SLC9B1: variants seen among roughly 807,000 people sequenced by gnomAD.
SLC9B1 encodes the protein sodium/hydrogen exchanger 9B1.
A neutral mutation model predicts 51.7 loss-of-function variants in SLC9B1; 32 were observed. The observed-to-expected ratio is 0.62, with a 90% CI of 0.47 to 0.83. The LOEUF (loss-of-function observed/expected upper bound fraction) is 0.83, where lower values mean the gene tolerates loss of function less well. Among genes scored for constraint, SLC9B1 ranks in the 40% least tolerant of loss-of-function variants. The pLI is 0.00. For synonymous variants in SLC9B1, 145 were observed against 212.7 expected (o/e 0.68, Z 2.77); for missense variants, 406 against 613.2 (o/e 0.66, Z 3.57).
chr4:102,950,652 T>C (rs568062876), intron 3 of SLC9B1, among the ~76,000 whole-genome samples: 2 of 152,340 alleles, frequency 1.3e-5, no homozygotes, highest in South Asian at 2.1e-4. Context: ...CCTCTGATTA[T>C]TGTCATCCTG....
chr4:102,994,487 C>T (rs1420175688), intron 1 of SLC9B1, among the ~76,000 whole-genome samples: 1 of 152,192 alleles, frequency 6.6e-6, no homozygotes, highest in Non-Finnish European at 1.5e-5. Context: ...CCCACATCTT[C>T]CTCTCTTCTG....
intron 7 of SLC9B1, among the ~76,000 whole-genome samples, chr4:102,921,673 G>A (rs953852294): frequency 7.2e-5 from 11 of 152,110 alleles, no homozygotes; most frequent in African/African-American, 1.9e-4. Context: ...CCCATCTAAC[G>A]TGCAGAGACA....
intron 3 of SLC9B1, among the ~76,000 whole-genome samples, chr4:102,954,913 T>A (rs899224500): frequency 7.3e-5 from 11 of 151,174 alleles, no homozygotes; most frequent in African/African-American, 2.7e-4. Flanking sequence ...ACACCAAAAC[T>A]CCCCCCAAAA....
At chr4:102,974,513 A>G (rs1463936189) in intron 3 of SLC9B1, among the ~76,000 whole-genome samples, 1 of 152,110 alleles carries the variant, frequency 6.6e-6, no homozygotes, top group Non-Finnish European at 1.5e-5. Flanking sequence ...AAATAAAGTG[A>G]ATACTATAAA....
chr4:102,965,490 A>G lies in SLC9B1; in HGVS notation c.212-16063T>C, dbSNP rs867083494. Among the ~76,000 whole-genome samples, 9 of 152,284 alleles carry G rather than the reference A, an allele frequency of 5.9e-5. No homozygotes were observed. In the Middle Eastern group the frequency reaches 0.01, roughly 173 times the overall value. On this transcript the variant is annotated intron_variant, in intron 3 of 11. Transcript: ENST00000296422. ...TCATGAGAGCAAGAACTCACTCACT[A>G]TATGAGGACTGCACCAAGCTGCTCA...
At chr4:103,006,038 T>G (rs1251660184) in intron 1 of SLC9B1, among the ~76,000 whole-genome samples, 1 of 151,252 alleles carries the variant, frequency 6.6e-6, no homozygotes, top group African/African-American at 2.4e-5. Flanking sequence ...CTAGAAGAAA[T>G]AGAAAAACAA....
intron 1 of SLC9B1, among the ~76,000 whole-genome samples, chr4:103,008,715 T>C (rs893030349): frequency 5.9e-5 from 9 of 152,000 alleles, no homozygotes; most frequent in Non-Finnish European, 1.3e-4. Flanking sequence ...TTTCTTGTCA[T>C]TTCATCTCTC....
At chr4:102,969,870 A>C (rs1431944505) in intron 3 of SLC9B1, among the ~76,000 whole-genome samples, 2 of 152,228 alleles carry the variant, frequency 1.3e-5, no homozygotes, top group African/African-American at 4.8e-5. Context: ...GATTCGATCA[A>C]GTGGAAGAAA....
intron 6 of SLC9B1, among the ~76,000 whole-genome samples, 159 bp from the exon 7 acceptor site, chr4:102,932,458 G>T (rs1736508214): frequency 6.6e-6 from 1 of 152,178 alleles, no homozygotes; most frequent in African/African-American, 2.4e-5. Flanking sequence ...TTCATGCATT[G>T]TTTAGTGCTG....
In SLC9B1 at chr4:102,946,272, T is replaced by C. The variant is rs553417960; in HGVS notation, c.525+375A>G. Among the ~76,000 whole-genome samples the C allele has an allele frequency of 5.9e-5, 9 of 152,328 alleles. No homozygotes were observed. The South Asian group carries it at 1.9e-3, about 32-fold the overall frequency. On this transcript the variant is annotated intron_variant, in intron 5 of 11. Coordinates refer to ENST00000296422, the MANE Select transcript of SLC9B1 (RefSeq NM_139173.4). ...AGAAATTAGGGTGCCAATATTTCTATACAGTCTTTTTTTCTTCTGTTTTTT... is the reference window on the plus strand; with the variant it reads ...AGAAATTAGGGTGCCAATATTTCTACACAGTCTTTTTTTCTTCTGTTTTTT...
intron 11 of SLC9B1, among the ~76,000 whole-genome samples, chr4:102,886,002 C>G (rs1363413466): frequency 1.3e-5 from 2 of 152,108 alleles, no homozygotes; most frequent in Non-Finnish European, 2.9e-5. Context: ...GTTTCTTGTA[C>G]TTGATCATAG....
At chr4:102,897,912 A>G (rs561351224), downstream of SLC9B1, 3 of 364,512 alleles carry the variant, frequency 8.2e-6, no homozygotes, top group Non-Finnish European at 1.6e-5. Flanking sequence ...TGGCAGTTTC[A>G]TGCACAGCCC....
intron 3 of SLC9B1, 34 bp downstream of exon 3, chr4:102,989,766 T>C: frequency 7.0e-7 from 1 of 1,433,484 alleles, no homozygotes; most frequent in East Asian, 2.3e-5. Flanking sequence ...ATATTTCTCA[T>C]CTTCTCTTCA....
chr4:102,996,143 CTATAATGAGCATTTTTTCA>C (rs1454464702), intron 1 of SLC9B1, among the ~76,000 whole-genome samples: 1 of 151,996 alleles, frequency 6.6e-6, no homozygotes, highest in East Asian at 1.9e-4. Flanking sequence ...AATTGCATTT[CTATAATGAGCATTTTTTCA>C]TATATTTACT....
chr4:102,926,888 G>A (rs1263287160), intron 7 of SLC9B1, among the ~76,000 whole-genome samples: 5 of 152,114 alleles, frequency 3.3e-5, no homozygotes, highest in African/African-American at 4.8e-5. Flanking sequence ...CATGGTACTG[G>A]TACCAAAACA....
At chr4:102,956,895 G>T (rs1445559638) in intron 3 of SLC9B1, among the ~76,000 whole-genome samples, 2 of 152,136 alleles carry the variant, frequency 1.3e-5, no homozygotes, top group African/African-American at 4.8e-5. Context: ...GATTTAGAAA[G>T]AAAGTTTTCA....
In SLC9B1 at chr4:102,946,845, G is replaced by A. The variant is rs1379351737; in HGVS notation, c.383-56C>T. ...AGTTCATTTTTCTGAGAAAGAAAAC[G>A]GAAATGTTTACTTTCTTTTCTAATG... On this transcript the variant is annotated intron_variant, in intron 4 of 11. Coordinates refer to ENST00000296422, the MANE Select transcript of SLC9B1 (RefSeq NM_139173.4). 8.2e-6 allele frequency: 12 copies of A among 1,468,824 alleles called. No homozygotes were observed. In the East Asian group the frequency reaches 9.9e-5, roughly 12 times the overall value. 91.0% of individuals were successfully genotyped at this position (1,468,824 alleles called of 1,614,324 possible).
intron 4 of SLC9B1, among the ~76,000 whole-genome samples, chr4:102,948,325 TACACACACAC>T (rs375091561): frequency 7.1e-5 from 9 of 127,468 alleles, no homozygotes; most frequent in South Asian, 2.7e-4. Flanking sequence ...GGCAAAGCCA[TACACACACAC>T]ACACACACAC....
intron 1 of SLC9B1, among the ~76,000 whole-genome samples, chr4:102,992,079 T>C (rs543938315): frequency 7.7e-4 from 117 of 152,290 alleles, no homozygotes; most frequent in African/African-American, 2.7e-3. Context: ...TGTCATGCTC[T>C]TACATAAAAC....
Sources: gnomAD v4.1 joint callset for allele counts (sites outside exome capture counted in the v4.1 genomes callset) on GRCh38, gnomAD v4.1.1 for gene constraint, MANE v1.5 for transcripts, NCBI Gene and HGNC (gene_info 2026-07-23, HGNC 2026-07-21) for gene names.